GALNT9: variants seen among roughly 807,000 people sequenced by gnomAD.
The protein encoded by GALNT9 is polypeptide N-acetylgalactosaminyltransferase 9.
Under a neutral mutation model 63.1 loss-of-function variants are expected in GALNT9, and 47 were observed. The ratio of observed to expected loss-of-function variants is 0.75; its 90% CI spans 0.59 to 0.95. GALNT9 has a LOEUF of 0.95. Ranked by LOEUF, GALNT9 falls within the 40% of genes least tolerant of loss-of-function variation. GALNT9 has a pLI of 0.00. For synonymous variants in GALNT9, 396 were observed against 365.7 expected (o/e 1.08, Z -0.94); for missense variants, 829 against 874.8 (o/e 0.95, Z 0.66).
At position 132,257,804 on chromosome 12, in the gene GALNT9, AC is replaced by A; in HGVS notation, c.843del (p.Phe282LeufsTer43). 1.3e-6 allele frequency: 2 copies of A among 1,550,216 alleles called. No individual in the cohort carries two copies. Among genetic ancestry groups the A allele is most frequent in the Non-Finnish European group, 1.7e-6 (2 of 1,146,800 alleles). On this transcript the variant is annotated frameshift_variant, in exon 5 of 11. Transcript: ENST00000328957. LOFTEE classifies it high-confidence loss of function. ...GCGTTCGCATACTGCTGCACCTCAA[AC>A]GTGCTGTACTTGATGTTGTCGATGG... ...LPAIDNIKYS[T>X]FEVQQYANAA...
At chr12:132,225,820 A>C (rs1877651998) in intron 6 of GALNT9, among the ~76,000 whole-genome samples, 1 of 121,768 alleles carries the variant, frequency 8.2e-6, no homozygotes. Flanking sequence ...CTGTACATGC[A>C]TACCCTCACA....
intron 1 of GALNT9, among the ~76,000 whole-genome samples, chr12:132,318,952 C>A (rs1868651256): frequency 6.6e-6 from 1 of 152,230 alleles, no homozygotes; most frequent in South Asian, 2.1e-4. Context: ...CCCTGCGGGG[C>A]CTCCCGCCTT....
At chr12:132,298,541 C>T (rs1555243469) in intron 1 of GALNT9, among the ~76,000 whole-genome samples, 1 of 151,550 alleles carries the variant, frequency 6.6e-6, no homozygotes, top group African/African-American at 2.4e-5. Context: ...CCTAACTCAT[C>T]CCTGAGATAA....
chr12:132,203,800 AC>A (rs1876415047), intron 6 of GALNT9, 110 bp from the exon 7 acceptor site: 2 of 1,171,138 alleles, frequency 1.7e-6, no homozygotes, highest in South Asian at 1.4e-5. Context: ...TTCCTGGGGC[AC>A]CCCCACCACC....
In GALNT9 at chr12:132,286,384, G is replaced by A; in HGVS notation, c.285C>T (p.Gly95=). The A allele has an allele frequency of 6.4e-7, 1 of 1,550,810 alleles. No individual in the cohort carries two copies. The highest frequency in any genetic ancestry group is 8.7e-7 in the Non-Finnish European group (1 of 1,146,776). ...IGLVEGPGGL[G]QGGLAATLRD... ...GCAGGGTGGCCGCCAAGCCACCCTG[G>A]CCCAGGCCTCCTGGCCCCTCCACCA... Residue 95 remains glycine (G), a synonymous_variant, in exon 2 of 11, where the codon GGC becomes GGT. Transcript: ENST00000328957. The surrounding 1 kb of genome is among the most constrained non-coding windows in gnomAD (Gnocchi z 7.4).
At chr12:132,309,818 A>AT (rs1881748805) in intron 1 of GALNT9, among the ~76,000 whole-genome samples, 1 of 152,206 alleles carries the variant, frequency 6.6e-6, no homozygotes, top group Non-Finnish European at 1.5e-5. Context: ...GGGCAGAGAA[A>AT]GAGACCATGC....
chr12:132,270,716 C>A (rs1042641844), intron 2 of GALNT9, among the ~76,000 whole-genome samples: 6 of 152,190 alleles, frequency 3.9e-5, no homozygotes, highest in Admixed American at 1.3e-4. Context: ...ACGGACACGG[C>A]CACGGCCACA....
At chr12:132,209,605 G>C (rs1876869599) in intron 6 of GALNT9, among the ~76,000 whole-genome samples, 1 of 152,064 alleles carries the variant, frequency 6.6e-6, no homozygotes, top group Admixed American at 6.6e-5. Context: ...AAACCAAGAT[G>C]GCAACGAGTG....
chr12:132,230,250 G>A (rs1388575076), intron 6 of GALNT9, among the ~76,000 whole-genome samples: 8 of 152,204 alleles, frequency 5.3e-5, no homozygotes, highest in African/African-American at 1.7e-4. Flanking sequence ...TGGACGTCCT[G>A]CCTGTGAGCC....
chr12:132,251,956 C>T (rs1322070997), intron 5 of GALNT9, among the ~76,000 whole-genome samples: 10 of 152,210 alleles, frequency 6.6e-5, no homozygotes, highest in African/African-American at 2.2e-4. Flanking sequence ...GCCTGCCCCC[C>T]GCCTGCCAGG....
At position 132,197,777 on chromosome 12, in the gene GALNT9, T is replaced by TACC; in HGVS notation, c.1665+14_1665+15insGGT. 1 of 1,416,446 alleles carries TACC rather than the reference T, an allele frequency of 7.1e-7. No individual in the cohort carries two copies. Among genetic ancestry groups the TACC allele is most frequent in the Non-Finnish European group, 9.6e-7 (1 of 1,039,734 alleles). 87.7% of individuals were successfully genotyped at this position (1,416,446 alleles called of 1,614,324 possible). On this transcript the variant is annotated intron_variant, in intron 10 of 10. Transcript: ENST00000328957. ...CCCGCCCCAACCCCACGGCCCCCCT[T>TACC]CCCCAGAGGCTGACCTGGGTGAAGT...
chr12:132,262,884 C>T lies in GALNT9; in HGVS notation c.420-259G>A, dbSNP rs542455352. ...CTGGACAAGGCCTGGACCCTACAAC[C>T]AGACGCCAAGGGTGTACGGGGGCCA... On this transcript the variant is annotated intron_variant, in intron 2 of 10. Transcript: ENST00000328957. Among the ~76,000 whole-genome samples the T allele has an allele frequency of 3.3e-5, 5 of 152,278 alleles. No individual in the cohort carries two copies. The South Asian group carries it at 1.0e-3, about 32-fold the overall frequency.
chr12:132,217,228 TCATCCATCCATGCATCCCACCCACC>T (rs1565990188), intron 6 of GALNT9, among the ~76,000 whole-genome samples: 1 of 148,320 alleles, frequency 6.7e-6, no homozygotes, highest in African/African-American at 2.5e-5. Context: ...AGCCATCCAT[TCATCCATCCATGCATCCCACCCACC>T]CATCCATCCA....
rs950200114 is a variant in GALNT9 at position 132,230,568 on chromosome 12, G to A, written c.1077+17342C>T. 2.2e-3 allele frequency among the ~76,000 whole-genome samples: 334 copies of A among 149,024 alleles called. 1 individual carries two copies. The highest frequency in any genetic ancestry group is 4.0e-3 in the Non-Finnish European group (268 of 67,638). On this transcript the variant is annotated intron_variant, in intron 6 of 10. Coordinates refer to ENST00000328957, the MANE Select transcript of GALNT9 (RefSeq NM_001122636.2). ...CGTGGCGGGGGAGTCCTGTTAATCT[G>A]TCCACTGCCAAGGCCGCGCCACCTG...
intron 1 of GALNT9, among the ~76,000 whole-genome samples, chr12:132,325,537 C>T (rs1457515517): frequency 4.6e-5 from 7 of 152,228 alleles, no homozygotes; most frequent in Non-Finnish European, 1.0e-4. Context: ...CTCCAACCTT[C>T]TCTGACCAGC....
intron 7 of GALNT9, 81 bp from the exon 8 acceptor site, chr12:132,201,342 C>T (rs879691955): frequency 2.1e-5 from 20 of 960,320 alleles, no homozygotes; most frequent in Admixed American, 8.1e-5. Flanking sequence ...TGGGGGTCTC[C>T]AGGGACCAAG....
At chr12:132,257,938 G>A in intron 4 of GALNT9, 52 bp from the exon 5 acceptor site, 1 of 1,292,888 alleles carries the variant, frequency 7.7e-7, no homozygotes, top group Non-Finnish European at 1.1e-6. Context: ...CGCATTCCCT[G>A]AGGAGGGTCC....
Position 132,286,235 on chromosome 12 carries a change from C to T in GALNT9, c.419+15G>A. 1 of 1,541,130 alleles carries T rather than the reference C, an allele frequency of 6.5e-7. No individual in the cohort carries two copies. The highest frequency in any genetic ancestry group is 8.8e-7 in the Non-Finnish European group (1 of 1,140,622). The stretch of plus-strand genomic sequence containing the variant: ...TCGGCGGGCGTCGGGGGATGGGGGG[C>T]AGTCACTCACTCACTTTCTGGGCCG... On this transcript the variant is annotated intron_variant, in intron 2 of 10. Transcript: ENST00000328957. The surrounding 1 kb of genome is among the most constrained non-coding windows in gnomAD (Gnocchi z 7.4).
At chr12:132,248,066 C>G in intron 5 of GALNT9, 39 bp from the exon 6 acceptor site, 1 of 1,523,016 alleles carries the variant, frequency 6.6e-7, no homozygotes, top group Non-Finnish European at 8.8e-7. Flanking sequence ...CCTCGCCATG[C>G]AGGCCTGAGC....
Sources: allele counts gnomAD v4.1 joint callset (sites outside exome capture counted in the v4.1 genomes callset), GRCh38; gene constraint gnomAD v4.1.1; non-coding constraint Gnocchi (gnomAD v3.1); transcripts MANE v1.5; gene names NCBI Gene and HGNC (gene_info 2026-07-23, HGNC 2026-07-21).